Variants in HSCB observed in about 807,000 individuals in gnomAD.
The protein encoded by HSCB is iron-sulfur cluster co-chaperone protein HscB.
Under a neutral mutation model 31.3 loss-of-function variants are expected in HSCB, and 23 were observed. The observed-to-expected ratio is 0.74, with a 90% CI of 0.53 to 1.04. HSCB has a LOEUF of 1.04. Ranked by LOEUF, HSCB falls within the 50% of genes least tolerant of loss-of-function variation. The probability of loss-of-function intolerance (pLI) is 0.00; values close to 1 mark genes in which losing one functional copy is unlikely to be tolerated. For missense variants in HSCB, 297 were observed against 288.1 expected, an observed-to-expected ratio of 1.03 and a Z score of -0.22; for synonymous variants, 110 against 104.5, an observed-to-expected ratio of 1.05 and a Z score of -0.32.
At chr22:28,744,298 T>G (rs1044607349) in intron 2 of HSCB, among the ~76,000 whole-genome samples, 1 of 152,222 alleles carries the variant, frequency 6.6e-6, no homozygotes, top group Non-Finnish European at 1.5e-5. Context: ...ACGCCTGTAA[T>G]CCCAACACTT....
chr22:28,744,475 G>T, intron 2 of HSCB, 140 bp from the exon 3 acceptor site: 1 of 630,486 alleles, frequency 1.6e-6, no homozygotes, highest in East Asian at 2.7e-5. Context: ...TCACTTGAAC[G>T]TGGGAGGTGG....
At chr22:28,748,515 G>A in intron 4 of HSCB, among the ~76,000 whole-genome samples, 1 of 146,954 alleles carries the variant, frequency 6.8e-6, no homozygotes, top group Non-Finnish European at 1.5e-5. Context: ...TTTTTTTGTT[G>A]TTTTGTTTTG....
At chr22:28,751,174 T>C in intron 4 of HSCB, 67 bp from the exon 5 acceptor site, 1 of 948,480 alleles carries the variant, frequency 1.1e-6, no homozygotes, top group Non-Finnish European at 1.7e-6. Context: ...TTACAAAGTT[T>C]AAGTATTGTC....
chr22:28,748,414 GC>G (rs2029976656), intron 4 of HSCB, among the ~76,000 whole-genome samples: 1 of 151,988 alleles, frequency 6.6e-6, no homozygotes, highest in Non-Finnish European at 1.5e-5. Flanking sequence ...CTGGACAACT[GC>G]AGTAGCTTTT....
At chr22:28,749,181 T>C (rs2030053665) in intron 4 of HSCB, among the ~76,000 whole-genome samples, 1 of 151,396 alleles carries the variant, frequency 6.6e-6, no homozygotes, top group Non-Finnish European at 1.5e-5. Context: ...TTCTCACTGC[T>C]CTAAAACTCT....
At chr22:28,752,108 A>C (rs2030295709) in intron 5 of HSCB, among the ~76,000 whole-genome samples, 1 of 150,970 alleles carries the variant, frequency 6.6e-6, no homozygotes, top group Non-Finnish European at 1.5e-5. Flanking sequence ...ACAAAAAAAA[A>C]ACCTGAAGGA....
At chr22:28,749,556 T>G (rs1424887734) in intron 4 of HSCB, among the ~76,000 whole-genome samples, 4 of 152,182 alleles carry the variant, frequency 2.6e-5, no homozygotes, top group Admixed American at 2.0e-4. Context: ...CATGTCTACT[T>G]TTTGCTTCCC....
chr22:28,752,862 CA>C (rs2030352456), intron 5 of HSCB, among the ~76,000 whole-genome samples: 1 of 151,646 alleles, frequency 6.6e-6, no homozygotes, highest in Non-Finnish European at 1.5e-5. Flanking sequence ...GGGCGGATCA[CA>C]AGGTCAGGAG....
intron 4 of HSCB, among the ~76,000 whole-genome samples, chr22:28,750,945 C>CTTTTTTTTGTTTTTTTTTTTTTT (rs2030188957): frequency 1.8e-5 from 1 of 56,452 alleles, no homozygotes; most frequent in Non-Finnish European, 3.2e-5. Context: ...ATATCTTTGT[C>CTTTTTTTTGTTTTTTTTTTTTTT]TTTTTTTTTT....
intron 4 of HSCB, among the ~76,000 whole-genome samples, chr22:28,749,022 T>C (rs899975335): frequency 6.6e-6 from 1 of 151,962 alleles, no homozygotes; most frequent in African/African-American, 2.4e-5. Context: ...ATGCCTGTAG[T>C]CCCTGCTACT....
Position 28,742,323 on chromosome 22 carries a change from T to C in HSCB, c.228T>C (p.Leu76=). 1 of 1,611,936 alleles carries C rather than the reference T, an allele frequency of 6.2e-7. No individual in the cohort carries two copies. Among genetic ancestry groups the C allele is most frequent in the Non-Finnish European group, 8.5e-7 (1 of 1,178,420 alleles). The change falls in exon 1 of 6, where the codon CTT becomes CTC. Residue 76 remains leucine (L), a synonymous_variant. Coordinates refer to ENST00000216027, the MANE Select transcript of HSCB (RefSeq NM_172002.5). Reference sequence around the variant, plus strand: ...ACCCCACTCGAGACTACTTCAGCCTTATGGACTGGTACGAGCGACGGTTTC... The same window carrying C: ...ACCCCACTCGAGACTACTTCAGCCTCATGGACTGGTACGAGCGACGGTTTC... ...APDPTRDYFS[L]MDCNRSFRVD...
intron 5 of HSCB, among the ~76,000 whole-genome samples, chr22:28,751,884 G>A (rs1370761010): frequency 6.6e-6 from 1 of 151,848 alleles, no homozygotes; most frequent in Non-Finnish European, 1.5e-5. Context: ...GAGGTTAGGG[G>A]TTTGAGACCA....
At position 28,743,941 on chromosome 22, in the gene HSCB, G is replaced by A. The variant is rs535969441; in HGVS notation, c.296G>A (p.Arg99His). Residue 99 changes from arginine (R) to histidine (H), a missense_variant, in exon 2 of 6, where the codon CGT becomes CAT. By Grantham distance (29) the Arg-to-His change is conservative. Coordinates refer to ENST00000216027, the MANE Select transcript of HSCB (RefSeq NM_172002.5). ...KLQHRYQQLQ[R>H]LVHPDFFSQR... Reference sequence around the variant, plus strand: ...CAGCACAGGTACCAGCAACTGCAGCGTCTTGTCCACCCAGATTTCTTCAGC... The same window carrying A: ...CAGCACAGGTACCAGCAACTGCAGCATCTTGTCCACCCAGATTTCTTCAGC... 42 of 1,614,174 alleles carry A rather than the reference G, an allele frequency of 2.6e-5. No individual in the cohort carries two copies. The highest frequency in any genetic ancestry group is 1.6e-4 in the Middle Eastern group (1 of 6,062).
At chr22:28,745,749 C>T (rs1373059941) in intron 3 of HSCB, 115 bp from the exon 4 acceptor site, 5 of 828,576 alleles carry the variant, frequency 6.0e-6, no homozygotes, top group African/African-American at 3.5e-5. Context: ...CTTTCATTAT[C>T]GGGACAGTTG....
chr22:28,748,099 C>T (rs543055131), intron 4 of HSCB, among the ~76,000 whole-genome samples: 3 of 152,232 alleles, frequency 2.0e-5, no homozygotes, highest in East Asian at 1.9e-4. Flanking sequence ...GCGGGAGAAT[C>T]GCTTGAACCC....
At chr22:28,753,768 G>T (rs1315165416) in intron 5 of HSCB, among the ~76,000 whole-genome samples, 1 of 151,776 alleles carries the variant, frequency 6.6e-6, no homozygotes, top group Non-Finnish European at 1.5e-5. Flanking sequence ...AACCTGGGAG[G>T]TGGAGCTTGC....
Position 28,743,363 on chromosome 22 carries a change from AAACTGACTTGGCAAGATT to A in HSCB, c.237-517_237-500del, listed in dbSNP as rs2054622881. 2.0e-5 allele frequency among the ~76,000 whole-genome samples: 3 copies of A among 152,322 alleles called. No individual in the cohort carries two copies. The South Asian group carries it at 6.2e-4, about 32-fold the overall frequency. On this transcript the variant is annotated intron_variant, in intron 1 of 5. Coordinates refer to ENST00000216027, the MANE Select transcript of HSCB (RefSeq NM_172002.5). Reference sequence around the variant, plus strand: ...AATATGAGGATCGAGGATTCTAGCTAAACTGACTTGGCAAGATTATTTGCCAAAACTGTATTTTACAAG... The same window carrying A: ...AATATGAGGATCGAGGATTCTAGCTAATTTGCCAAAACTGTATTTTACAAG...
chr22:28,748,705 C>T (rs530585135), intron 4 of HSCB, among the ~76,000 whole-genome samples: 3 of 151,930 alleles, frequency 2.0e-5, no homozygotes, highest in South Asian at 2.1e-4. Context: ...TAAGTAGTGA[C>T]GGGGTTTTAC....
At chr22:28,754,627 G>A (rs1169126985) in intron 5 of HSCB, among the ~76,000 whole-genome samples, 1 of 151,846 alleles carries the variant, frequency 6.6e-6, no homozygotes, top group Non-Finnish European at 1.5e-5. Context: ...CCAAGATCAT[G>A]CCACTGCATT....
Sources: gnomAD v4.1 joint callset for allele counts (sites outside exome capture counted in the v4.1 genomes callset) on GRCh38, gnomAD v4.1.1 for gene constraint, MANE v1.5 for transcripts, NCBI Gene and HGNC (gene_info 2026-07-23, HGNC 2026-07-21) for gene names.